The following TNFAIP6 variants were observed in gnomAD, a reference collection of about 807,000 sequenced individuals.
TNFAIP6 encodes TNF alpha induced protein 6, also known as tumor necrosis factor-inducible gene 6 protein.
A neutral mutation model predicts 33.7 loss-of-function variants in TNFAIP6; 36 were observed. That is an observed-to-expected ratio of 1.07 (90% CI 0.82 to 1.41). TNFAIP6 has a LOEUF of 1.41. TNFAIP6 is among the 40% of genes most tolerant of loss of function. The pLI is 0.00. For missense variants in TNFAIP6, 273 were observed against 331.9 expected, an observed-to-expected ratio of 0.82 and a Z score of 1.38; for synonymous variants, 113 against 112.8, an observed-to-expected ratio of 1.00 and a Z score of -0.01.
intron 1 of TNFAIP6, among the ~76,000 whole-genome samples, chr2:151,359,602 G>A (rs71415133): frequency 0.04 from 6,115 of 152,098 alleles, 160 homozygotes; most frequent in Middle Eastern, 0.065. Context: ...GTTAGCCAGG[G>A]TGGTCTCAAT....
chr2:151,373,625 G>T, intron 5 of TNFAIP6, 36 bp downstream of exon 5: 1 of 1,345,392 alleles, frequency 7.4e-7, no homozygotes, highest in Non-Finnish European at 1.0e-6. Context: ...ACTATGATTT[G>T]TTTCTTTACA....
intron 4 of TNFAIP6, among the ~76,000 whole-genome samples, chr2:151,371,122 C>A (rs1485864428): frequency 6.6e-6 from 1 of 152,044 alleles, no homozygotes; most frequent in South Asian, 2.1e-4. Context: ...CTTCTTCCTA[C>A]AAAGCATTGT....
At chr2:151,376,907 T>C (rs1363268585) in intron 5 of TNFAIP6, among the ~76,000 whole-genome samples, 2 of 147,974 alleles carry the variant, frequency 1.4e-5, no homozygotes, top group African/African-American at 5.1e-5. Flanking sequence ...GACAGGGTCT[T>C]GTTCTGTCAC....
At chr2:151,357,960 T>C (rs913644765) in intron 1 of TNFAIP6, among the ~76,000 whole-genome samples, 200 bp downstream of exon 1, 1 of 152,168 alleles carries the variant, frequency 6.6e-6, no homozygotes, top group Non-Finnish European at 1.5e-5. Context: ...AAAATAGCAT[T>C]TTATAAAGTG....
chr2:151,359,482 A>G (rs939294557), intron 1 of TNFAIP6, among the ~76,000 whole-genome samples: 12 of 144,608 alleles, frequency 8.3e-5, no homozygotes, highest in Admixed American at 2.2e-4. Context: ...TCCGCCTCCC[A>G]GGTTCACGCC....
At chr2:151,379,294 A>C in intron 5 of TNFAIP6, 70 bp from the exon 6 acceptor site, 1 of 1,333,092 alleles carries the variant, frequency 7.5e-7, no homozygotes, top group Non-Finnish European at 1.0e-6. Flanking sequence ...GAGAATGAAG[A>C]GTCTTTGAAT....
At chr2:151,366,975 A>G (rs1684723889) in intron 3 of TNFAIP6, among the ~76,000 whole-genome samples, 1 of 152,172 alleles carries the variant, frequency 6.6e-6, no homozygotes, top group African/African-American at 2.4e-5. Context: ...CACCAGGACA[A>G]TGTTACAAAA....
At chr2:151,364,927 C>G (rs796760474) in intron 2 of TNFAIP6, among the ~76,000 whole-genome samples, 23 of 152,244 alleles carry the variant, frequency 1.5e-4, no homozygotes, top group African/African-American at 5.1e-4. Flanking sequence ...ACTGGCCATC[C>G]TGGACCTCTA....
At chr2:151,364,150 C>T (rs2152013367) in intron 2 of TNFAIP6, 70 bp downstream of exon 2, 1 of 1,533,496 alleles carries the variant, frequency 6.5e-7, no homozygotes, top group Middle Eastern at 1.9e-4. Flanking sequence ...TTCCTAAGCC[C>T]TAGTAAGACT....
At chr2:151,369,674 C>T (rs566026913) in intron 3 of TNFAIP6, among the ~76,000 whole-genome samples, 1 of 152,188 alleles carries the variant, frequency 6.6e-6, no homozygotes, top group East Asian at 1.9e-4. Context: ...ACTTAGGAGG[C>T]TGAAGTGGGA....
At chr2:151,376,677 G>A (rs186118299) in intron 5 of TNFAIP6, among the ~76,000 whole-genome samples, 81 of 151,836 alleles carry the variant, frequency 5.3e-4, no homozygotes, top group Admixed American at 3.2e-3. Context: ...TGCCTAATAG[G>A]TCACTGTATG....
At chr2:151,373,895 A>G (rs1260533987) in intron 5 of TNFAIP6, among the ~76,000 whole-genome samples, 1 of 152,190 alleles carries the variant, frequency 6.6e-6, no homozygotes, top group Non-Finnish European at 1.5e-5. Flanking sequence ...AAATGTGCTA[A>G]TAAAATGGCT....
At chr2:151,376,868 T>TG (rs1353813723) in intron 5 of TNFAIP6, among the ~76,000 whole-genome samples, 37 of 145,070 alleles carry the variant, frequency 2.6e-4, no homozygotes, top group Admixed American at 6.8e-4. Context: ...TTCTTTTCTT[T>TG]TTTTTTTTTT....
rs1684790979 is a variant in TNFAIP6, at chr2:151,370,194, CTG to C, written c.570_571del (p.Asp191LeufsTer3). On this transcript the variant is annotated frameshift_variant, in exon 4 of 6. Transcript: ENST00000243347. LOFTEE classifies it high-confidence loss of function. ...CTTGAAGATGACCCAGGTTGCTTGG[CTG>C]ATTATGTTGAAATATATGACAGTTA... The C allele has an allele frequency of 1.2e-6, 2 of 1,614,028 alleles. No individual in the cohort carries two copies. The highest frequency in any genetic ancestry group is 2.7e-5 in the African/African-American group (2 of 74,936).
rs2152014235 is a variant in TNFAIP6 at position 151,366,046 on chromosome 2, C to T, written c.233-10C>T. On this transcript the variant is annotated splice_polypyrimidine_tract_variant and intron_variant, in intron 2 of 5. Coordinates refer to ENST00000243347, the MANE Select transcript of TNFAIP6 (RefSeq NM_007115.4). ...ACCTGTTTAGTCCATAACTCTTTTT[C>T]TTCTTGCAGGATTTCATGTCTGTGC... The T allele has an allele frequency of 6.2e-7, 1 of 1,613,166 alleles. No homozygotes were observed. The highest frequency in any genetic ancestry group is 1.1e-5 in the South Asian group (1 of 91,020).
At position 151,364,016 on chromosome 2, in the gene TNFAIP6, GGT is replaced by G; in HGVS notation, c.174_175del (p.Cys58Ter). The G allele has an allele frequency of 1.2e-6, 2 of 1,614,058 alleles. No homozygotes were observed. The highest frequency in any genetic ancestry group is 3.3e-4 in the Middle Eastern group (2 of 6,062). ...YKLTYAEAKA[V>X]CEFEGGHLAT... Reference sequence around the variant, plus strand: ...AGCTCACCTACGCAGAAGCTAAGGCGGTGTGTGAATTTGAAGGCGGCCATCTC... The same window carrying G: ...AGCTCACCTACGCAGAAGCTAAGGCGGTGTGAATTTGAAGGCGGCCATCTC... On this transcript the variant is annotated frameshift_variant, in exon 2 of 6. Transcript: ENST00000243347. LOFTEE classifies it high-confidence loss of function.
chr2:151,371,599 T>C (rs1460895833), intron 4 of TNFAIP6, among the ~76,000 whole-genome samples: 1 of 151,862 alleles, frequency 6.6e-6, no homozygotes, highest in South Asian at 2.1e-4. Flanking sequence ...TTTTCTTTTT[T>C]TTTTTCTTTT....
rs1316239918 is a variant in TNFAIP6 at position 151,379,361 on chromosome 2, C to A, written c.665-3C>A. The A allele has an allele frequency of 1.3e-6, 2 of 1,575,204 alleles. No homozygotes were observed. The highest frequency in any genetic ancestry group is 1.7e-4 in the Middle Eastern group (1 of 5,914). ...TGTTCTTTTGCCTCCTTCCCCGCAA[C>A]AGGAAATGTCATGACCTTGAAGTTT... On this transcript the variant is annotated splice_region_variant and splice_polypyrimidine_tract_variant and intron_variant, in intron 5 of 5. Coordinates refer to ENST00000243347, the MANE Select transcript of TNFAIP6 (RefSeq NM_007115.4).
intron 3 of TNFAIP6, among the ~76,000 whole-genome samples, chr2:151,369,557 T>A (rs1416658619): frequency 1.3e-5 from 2 of 151,950 alleles, no homozygotes; most frequent in African/African-American, 2.4e-5. Flanking sequence ...GAGGCTCACT[T>A]GAGGTCAGGA....
Sources: gnomAD v4.1 joint callset for allele counts (sites outside exome capture counted in the v4.1 genomes callset) on GRCh38, gnomAD v4.1.1 for gene constraint, MANE v1.5 for transcripts, NCBI Gene and HGNC (gene_info 2026-07-23, HGNC 2026-07-21) for gene names.